Variants in SAMD12 observed in about 807,000 individuals in gnomAD.
SAMD12 encodes the protein sterile alpha motif domain containing 12.
A neutral mutation model predicts 15.0 loss-of-function variants in SAMD12; 9 were observed. That is an observed-to-expected ratio of 0.60 (90% CI 0.36 to 1.05). The LOEUF (loss-of-function observed/expected upper bound fraction) is 1.05, where lower values mean the gene tolerates loss of function less well. Ranked by LOEUF, SAMD12 falls within the 50% of genes least tolerant of loss-of-function variation. The probability of loss-of-function intolerance (pLI) is 0.01; values close to 1 mark genes in which losing one functional copy is unlikely to be tolerated. For synonymous variants in SAMD12, 86 were observed against 90.1 expected, an observed-to-expected ratio of 0.96 and a Z score of 0.25; for missense variants, 230 against 234.2, an observed-to-expected ratio of 0.98 and a Z score of 0.12.
In SAMD12 at chr8:118,246,084, T is replaced by C. The variant is rs1195165554; in HGVS notation, c.434-48352A>G. Among the ~76,000 whole-genome samples, 3 of 152,132 alleles carry C rather than the reference T, an allele frequency of 2.0e-5. No individual in the cohort carries two copies. In the East Asian group the frequency reaches 5.8e-4, roughly 29 times the overall value. Reference sequence around the variant, plus strand: ...AAGCAGATGTGTGTTGATTATCTACTATGTGGGTATCAAACACTGTGCTAC... The same window carrying C: ...AAGCAGATGTGTGTTGATTATCTACCATGTGGGTATCAAACACTGTGCTAC... On this transcript the variant is annotated intron_variant, in intron 4 of 4. Coordinates refer to the SAMD12 transcript ENST00000409003.
intron 1 of SAMD12, among the ~76,000 whole-genome samples, chr8:118,619,169 A>T (rs1736271306): frequency 6.6e-6 from 1 of 152,128 alleles, no homozygotes. Context: ...GGACAATGTC[A>T]CCCAGCAGTA....
At chr8:118,170,278 GTTA>G in the SAMD12 span, among the ~76,000 whole-genome samples, 1 of 152,058 alleles carries the variant, frequency 6.6e-6, no homozygotes, top group Non-Finnish European at 1.5e-5. Context: ...ATATGTATTA[GTTA>G]TTATTATTAC....
chr8:118,395,371 T>A (rs1820502086), intron 3 of SAMD12, among the ~76,000 whole-genome samples: 1 of 152,180 alleles, frequency 6.6e-6, no homozygotes, highest in Non-Finnish European at 1.5e-5. Context: ...AATTCTATTA[T>A]TACAGAACGT....
rs146091363 is a variant in SAMD12 at position 118,390,758 on chromosome 8, T to C, written c.323-11058A>G. Among the ~76,000 whole-genome samples the C allele has an allele frequency of 4.6e-4, 70 of 152,280 alleles. 1 individual carries two copies. Among genetic ancestry groups the C allele is most frequent in the Middle Eastern group, 3.4e-3 (1 of 294 alleles). ...TTACATTTAGATGATTAGCAGTTAA[T>C]TGAAGGCCCCTTCTCTGGGCCAAGG... is the stretch of plus-strand genomic sequence containing the variant. On this transcript the variant is annotated intron_variant, in intron 3 of 3. Transcript: ENST00000314727.
At chr8:118,287,963 ATTGT>A (rs1263000849) in intron 4 of SAMD12, among the ~76,000 whole-genome samples, 1 of 152,132 alleles carries the variant, frequency 6.6e-6, no homozygotes, top group Non-Finnish European at 1.5e-5. Context: ...GCTTTTCTGG[ATTGT>A]TTAATTTAAA....
At chr8:118,571,903 A>T (rs1257843951) in intron 2 of SAMD12, among the ~76,000 whole-genome samples, 1 of 152,220 alleles carries the variant, frequency 6.6e-6, no homozygotes, top group East Asian at 1.9e-4. Context: ...ACTGCCTAGC[A>T]GAACTATGAG....
intron 3 of SAMD12, among the ~76,000 whole-genome samples, chr8:118,383,670 A>T (rs897401919): frequency 1.3e-5 from 2 of 152,114 alleles, no homozygotes; most frequent in East Asian, 3.9e-4. Flanking sequence ...GCCTGATACC[A>T]TCAAACTTGT....
At chr8:118,532,886 C>T (rs1460702289) in intron 2 of SAMD12, among the ~76,000 whole-genome samples, 1 of 152,044 alleles carries the variant, frequency 6.6e-6, no homozygotes, top group African/African-American at 2.4e-5. Context: ...TTTCAAAAAA[C>T]CAGCTCCTGG....
At chr8:118,583,047 A>G (rs980391112) in intron 1 of SAMD12, among the ~76,000 whole-genome samples, 5 of 152,072 alleles carry the variant, frequency 3.3e-5, no homozygotes, top group Admixed American at 3.3e-4. Flanking sequence ...TTTTCTCCCA[A>G]ACCTCCTTCA....
At chr8:118,561,627 C>A (rs1826703592) in intron 2 of SAMD12, among the ~76,000 whole-genome samples, 1 of 152,174 alleles carries the variant, frequency 6.6e-6, no homozygotes, top group Admixed American at 6.5e-5. Context: ...ACCATCAGAT[C>A]TTGTGAGAAA....
At position 118,295,041 on chromosome 8, in the gene SAMD12, CT is replaced by C. The variant is rs5894422; in HGVS notation, c.433+84518del. Reference sequence around the variant, plus strand: ...CAGTTAGAAAGAAGAAAACAAACTTCTTTTTTTTTTACGTGAAAATTGGGAA... The same window carrying C: ...CAGTTAGAAAGAAGAAAACAAACTTCTTTTTTTTTACGTGAAAATTGGGAA... On this transcript the variant is annotated intron_variant, in intron 4 of 4. Coordinates refer to the SAMD12 transcript ENST00000409003. 6.9e-3 allele frequency among the ~76,000 whole-genome samples: 1,020 copies of C among 148,672 alleles called. 13 individuals are homozygous for C. The highest frequency in any genetic ancestry group is 0.023 in the African/African-American group (946 of 40,696).
chr8:118,533,867 G>A (rs559546992), intron 2 of SAMD12, among the ~76,000 whole-genome samples: 33 of 152,122 alleles, frequency 2.2e-4, no homozygotes, highest in Admixed American at 4.6e-4. Context: ...CCTGAATACA[G>A]CACACTGATG....
Position 118,217,726 on chromosome 8 carries a change from G to C in SAMD12, c.434-19994C>G, listed in dbSNP as rs567400089. ...CATCTGTATTCAAAAACCTCCTGTG[G>C]CTCCACATTTCTTAAAGGATAAATT... On this transcript the variant is annotated intron_variant, in intron 4 of 4. Coordinates refer to the SAMD12 transcript ENST00000409003. 2.0e-5 allele frequency among the ~76,000 whole-genome samples: 3 copies of C among 152,212 alleles called. No individual in the cohort carries two copies. The East Asian group carries it at 5.8e-4, about 29-fold the overall frequency.
At chr8:118,501,528 G>C (rs992695386) in intron 2 of SAMD12, among the ~76,000 whole-genome samples, 2 of 152,090 alleles carry the variant, frequency 1.3e-5, no homozygotes, top group African/African-American at 2.4e-5. Flanking sequence ...TGTGGATGTG[G>C]CCTGGCAATC....
At chr8:118,495,215 C>A (rs1387814829) in intron 2 of SAMD12, among the ~76,000 whole-genome samples, 2 of 152,134 alleles carry the variant, frequency 1.3e-5, no homozygotes, top group Non-Finnish European at 1.5e-5. Context: ...CAACTGAAGT[C>A]ATCAGATTGT....
At chr8:118,133,198 C>CCATGTAAGTCAAGCACCTAGCT in the SAMD12 span, among the ~76,000 whole-genome samples, 1 of 151,268 alleles carries the variant, frequency 6.6e-6, no homozygotes, top group Non-Finnish European at 1.5e-5. Flanking sequence ...TAAAATATGA[C>CCATGTAAGTCAAGCACCTAGCT]CATGTAAGTC....
At chr8:118,286,175 G>C (rs1340803271) in intron 4 of SAMD12, among the ~76,000 whole-genome samples, 1 of 141,942 alleles carries the variant, frequency 7.0e-6, no homozygotes, top group Non-Finnish European at 1.5e-5. Context: ...TGTGGGGTGA[G>C]GGGAGGGGGG....
At chr8:118,518,970 G>A (rs1327744549) in intron 2 of SAMD12, among the ~76,000 whole-genome samples, 2 of 152,212 alleles carry the variant, frequency 1.3e-5, no homozygotes, top group Admixed American at 6.5e-5. Context: ...AAGGGCTTAA[G>A]ATGGTAGCTT....
intron 4 of SAMD12, among the ~76,000 whole-genome samples, chr8:118,321,144 A>AATAAATATATATATATAT (rs57107358): frequency 6.0e-4 from 57 of 94,446 alleles, no homozygotes; most frequent in African/African-American, 1.9e-3. Flanking sequence ...ATAGATAATA[A>AATAAATATATATATATAT]ATATATATAT....
Sources: allele counts gnomAD v4.1 joint callset (sites outside exome capture counted in the v4.1 genomes callset), GRCh38; gene constraint gnomAD v4.1.1; transcripts MANE v1.5; gene names NCBI Gene and HGNC (gene_info 2026-07-23, HGNC 2026-07-21).